The following PHF20L1 variants were observed in gnomAD, a reference collection of about 807,000 sequenced individuals.
PHF20L1 encodes the protein PHD finger protein 20 like 1.
PHF20L1 carries 44 observed loss-of-function variants against 125.5 expected under a neutral mutation model. That is an observed-to-expected ratio of 0.35 (90% confidence interval 0.28 to 0.45). The LOEUF (loss-of-function observed/expected upper bound fraction) is 0.45. Ranked by LOEUF, PHF20L1 falls within the 20% of genes least tolerant of loss-of-function variation. PHF20L1 has a pLI of 1.00. For missense variants in PHF20L1, 1,012 were observed against 1,217.2 expected (o/e 0.83, Z 2.51); for synonymous variants, 380 against 403.1 (o/e 0.94, Z 0.69).
intron 9 of PHF20L1, among the ~76,000 whole-genome samples, chr8:132,814,387 A>C (rs1020632569): frequency 1.3e-5 from 2 of 151,902 alleles, no homozygotes; most frequent in Non-Finnish European, 2.9e-5. Flanking sequence ...ATGTTCCGAA[A>C]ATATTATGAA....
intron 12 of PHF20L1, among the ~76,000 whole-genome samples, chr8:132,819,567 T>G (rs935585423): frequency 1.6e-4 from 23 of 145,994 alleles, no homozygotes; most frequent in African/African-American, 5.8e-4. Flanking sequence ...GCTTTTCTCC[T>G]TAACCTTTTT....
chr8:132,833,183 A>G (rs968334586), intron 15 of PHF20L1, among the ~76,000 whole-genome samples: 5 of 152,062 alleles, frequency 3.3e-5, no homozygotes, highest in Non-Finnish European at 7.4e-5. Context: ...GCATAAGTAC[A>G]ACCTAGGATC....
At chr8:132,778,063 CT>C (rs1031452586) in intron 2 of PHF20L1, 152 bp downstream of exon 2, 34 of 570,158 alleles carry the variant, frequency 6.0e-5, no homozygotes, top group Non-Finnish European at 7.8e-5. Flanking sequence ...TTTTCCTACT[CT>C]TTAGGCTTTT....
intron 2 of PHF20L1, among the ~76,000 whole-genome samples, chr8:132,785,306 G>A (rs974330922): frequency 6.6e-6 from 1 of 152,084 alleles, no homozygotes; most frequent in Admixed American, 6.6e-5. Context: ...CCACTAGCTG[G>A]GAAACAGTTT....
chr8:132,811,714 G>C (rs1834410754), intron 9 of PHF20L1: 1 of 985,440 alleles, frequency 1.0e-6, no homozygotes, highest in Non-Finnish European at 1.2e-6. Flanking sequence ...GCTACCTTCA[G>C]ATTCCCACAA....
Position 132,846,995 on chromosome 8 carries a change from C to T in PHF20L1, c.*1072C>T, listed in dbSNP as rs1221301232. ...TTAAAAAATACATGCACACTCAAAA[C>T]TTTTAGCTTTGATCACAAGTGGACA... On this transcript the variant is annotated 3_prime_UTR_variant, in exon 21 of 21. Transcript: ENST00000395386. The T allele has an allele frequency of 5.9e-5, 9 of 152,542 alleles. No homozygotes were observed. The highest frequency in any genetic ancestry group is 1.3e-4 in the Admixed American group (2 of 15,258). 9.4% of individuals were successfully genotyped at this position (152,542 alleles called of 1,614,324 possible).
Position 132,794,430 on chromosome 8 carries a change from A to G in PHF20L1, c.104A>G (p.Lys35Arg). ...TTGAGGTATCCATCACGAATTGAAA[A>G]AATTGACTATGAGGAGGGCAAGATG... ...LQKWYPSRIE[K>R]IDYEEGKMLV... The change falls in exon 3 of 21, where the codon AAA becomes AGA. Residue 35 changes from lysine to arginine, a missense_variant. Lys to Arg is a conservative substitution (Grantham distance 26). This residue lies in a region of PHF20L1 where 94 missense variants were observed against 179.5 expected (regional missense o/e 0.52). Coordinates refer to ENST00000395386, the MANE Select transcript of PHF20L1 (RefSeq NM_016018.5). 1 of 1,608,256 alleles carries G rather than the reference A, an allele frequency of 6.2e-7. No individual in the cohort carries two copies. Among genetic ancestry groups the G allele is most frequent in the Non-Finnish European group, 8.5e-7 (1 of 1,176,566 alleles).
chr8:132,803,906 A>G lies in PHF20L1; in HGVS notation c.595A>G (p.Lys199Glu), dbSNP rs1372237318. ...ACCTCGAACCAGCGCTAACAGCAAT[A>G]AAGATAAGGATAAAGATGAGAGAAA... ...SKPRTSANSN[K>E]DKDKDERKWF... Residue 199 changes from lysine to glutamate, a missense_variant, in exon 7 of 21, where the codon AAA becomes GAA. Transcript: ENST00000395386. The G allele has an allele frequency of 6.2e-7, 1 of 1,611,294 alleles. No homozygotes were observed. The highest frequency in any genetic ancestry group is 1.7e-5 in the Admixed American group (1 of 59,836).
At chr8:132,815,588 T>C (rs553048761) in intron 10 of PHF20L1, 2 of 150,428 alleles carry the variant, frequency 1.3e-5, no homozygotes, top group African/African-American at 5.0e-5. Flanking sequence ...TAAATGATGG[T>C]TTTTTTTGCT....
intron 2 of PHF20L1, among the ~76,000 whole-genome samples, chr8:132,790,401 T>A (rs948125205): frequency 7.2e-5 from 11 of 152,290 alleles, no homozygotes; most frequent in South Asian, 6.2e-4. Context: ...ATATTACGAT[T>A]TTTTTCCTCT....
rs776019101 is a variant in PHF20L1 at position 132,836,678 on chromosome 8, G to A, written c.2048G>A (p.Arg683Gln). ...DEDDALNEIV[R>Q]CICEMDEENG... is the part of the protein sequence containing the mutation. ...GATGATGCTCTTAATGAAATTGTGC[G>A]ATGTATTTGTGAGATGGATGAGGAG... is the stretch of plus-strand genomic sequence containing the variant. Residue 683 changes from arginine to glutamine, a missense_variant, in exon 16 of 21, where the codon CGA becomes CAA. Arg to Gln is a conservative substitution (Grantham distance 43). This residue lies in a region of PHF20L1 where 320 missense variants were observed against 293.8 expected (regional missense o/e 1.09). Transcript: ENST00000395386. The A allele has an allele frequency of 2.5e-6, 4 of 1,613,140 alleles. No individual in the cohort carries two copies. The highest frequency in any genetic ancestry group is 3.4e-6 in the Non-Finnish European group (4 of 1,179,424).
intron 20 of PHF20L1, 83 bp from the exon 21 acceptor site, chr8:132,845,698 C>T (rs2131972115): frequency 1.0e-6 from 1 of 976,616 alleles, no homozygotes; most frequent in African/African-American, 1.6e-5. Flanking sequence ...AACTCCATCA[C>T]AGCTCCAACT....
chr8:132,788,861 G>A (rs1281847877), intron 2 of PHF20L1: 1 of 151,978 alleles, frequency 6.6e-6, no homozygotes, highest in Non-Finnish European at 1.5e-5. Context: ...AAAAGTTTTT[G>A]GTTTTGTGAA....
intron 8 of PHF20L1, among the ~76,000 whole-genome samples, chr8:132,806,197 C>T (rs1053302078): frequency 6.6e-6 from 1 of 151,820 alleles, no homozygotes; most frequent in African/African-American, 2.4e-5. Flanking sequence ...TTAATAGTTT[C>T]AATCAATATA....
intron 2 of PHF20L1, among the ~76,000 whole-genome samples, chr8:132,783,232 A>G (rs1349373397): frequency 6.6e-6 from 1 of 152,212 alleles, no homozygotes; most frequent in Non-Finnish European, 1.5e-5. Flanking sequence ...AAGAAAAGGA[A>G]AATGAAAGAT....
Position 132,842,798 on chromosome 8 carries a change from G to A in PHF20L1, c.2671G>A (p.Glu891Lys). The A allele has an allele frequency of 6.2e-7, 1 of 1,613,072 alleles. No individual in the cohort carries two copies. The highest frequency in any genetic ancestry group is 1.1e-5 in the South Asian group (1 of 91,020). The change falls in exon 19 of 21, where the codon GAA becomes AAA. Residue 891 changes from glutamate (E) to lysine (K), a missense_variant. By Grantham distance (56) the Glu-to-Lys change is moderately conservative. Around this residue, in one of 7 missense-constraint regions of PHF20L1, gnomAD observed 277 missense variants for 283.6 expected, o/e 0.98. Coordinates refer to ENST00000395386, the MANE Select transcript of PHF20L1 (RefSeq NM_016018.5). ...SSDDDDVSSL[E>K]EEQEFHMRSK... Reference sequence around the variant, plus strand: ...AGATGATGATGATGTTAGTAGTTTGGAAGAAGAACAAGAATTCCACATGAG... The same window carrying A: ...AGATGATGATGATGTTAGTAGTTTGAAAGAAGAACAAGAATTCCACATGAG...
chr8:132,776,881 G>T (rs536632920), intron 1 of PHF20L1, among the ~76,000 whole-genome samples: 1 of 152,068 alleles, frequency 6.6e-6, no homozygotes, highest in Non-Finnish European at 1.5e-5. Flanking sequence ...TTTTGATTAG[G>T]TTATCTCAAA....
chr8:132,793,327 C>T (rs1394369658), intron 2 of PHF20L1, among the ~76,000 whole-genome samples: 1 of 152,120 alleles, frequency 6.6e-6, no homozygotes, highest in Non-Finnish European at 1.5e-5. Flanking sequence ...CGAAGAAGCT[C>T]TACCGGAGAA....
chr8:132,787,803 A>G (rs930750958), intron 2 of PHF20L1, among the ~76,000 whole-genome samples: 1 of 152,138 alleles, frequency 6.6e-6, no homozygotes, highest in African/African-American at 2.4e-5. Context: ...AAGTGCTACC[A>G]GGAAACTAAA....
Sources: allele counts gnomAD v4.1 joint callset (sites outside exome capture counted in the v4.1 genomes callset), GRCh38; gene constraint gnomAD v4.1.1; regional missense constraint gnomAD v4.1.1; transcripts MANE v1.5; gene names NCBI Gene and HGNC (gene_info 2026-07-23, HGNC 2026-07-21).